MREG: variants seen among roughly 807,000 people sequenced by gnomAD.
MREG encodes the protein melanoregulin.
MREG carries 31 observed loss-of-function variants against 28.5 expected under a neutral mutation model. That is an observed-to-expected ratio of 1.09 (90% CI 0.82 to 1.47). The LOEUF (loss-of-function observed/expected upper bound fraction) is 1.47, where lower values mean the gene tolerates loss of function less well. Ranked by LOEUF, MREG falls within the 40% of genes most tolerant of loss-of-function variation. MREG has a pLI of 0.00. For missense variants in MREG, 256 were observed against 257.4 expected (o/e 0.99, Z 0.04); for synonymous variants, 106 against 95.2 (o/e 1.11, Z -0.66).
intron 2 of MREG, among the ~76,000 whole-genome samples, chr2:215,977,066 C>T (rs894572585): frequency 6.6e-6 from 1 of 152,178 alleles, no homozygotes; most frequent in Non-Finnish European, 1.5e-5. Context: ...GATGCCCCAA[C>T]TAAAAGACAC....
intron 2 of MREG, among the ~76,000 whole-genome samples, chr2:215,973,181 T>C (rs959892123): frequency 6.6e-6 from 1 of 152,136 alleles, no homozygotes; most frequent in African/African-American, 2.4e-5. Flanking sequence ...TGACCTTGCA[T>C]GCAAAGGCAG....
At chr2:215,997,264 C>A (rs1477884321) in intron 1 of MREG, among the ~76,000 whole-genome samples, 1 of 152,146 alleles carries the variant, frequency 6.6e-6, no homozygotes, top group Non-Finnish European at 1.5e-5. Flanking sequence ...TTTCAATAAA[C>A]AAGGCAGAAT....
intron 2 of MREG, among the ~76,000 whole-genome samples, chr2:215,956,185 C>G (rs183094963): frequency 3.0e-4 from 45 of 152,314 alleles, no homozygotes; most frequent in African/African-American, 1.1e-3. Flanking sequence ...TCAGCCTACA[C>G]AGCAGTTCAT....
In MREG at chr2:215,996,429, C is replaced by T. The variant is rs1427310823; in HGVS notation, c.132G>A (p.Leu44=). ...NNPYSSFGAT[L]VRDDEKNLWS... ...ATAAATTCTTCTCATCATCCCTCACCAGAGTTGCTCCAAATGAGGAATATG... is the reference window on the plus strand; with the variant it reads ...ATAAATTCTTCTCATCATCCCTCACTAGAGTTGCTCCAAATGAGGAATATG... The change falls in exon 2 of 5, where the codon CTG becomes CTA. Residue 44 remains leucine (L), a synonymous_variant. Coordinates refer to ENST00000263268, the MANE Select transcript of MREG (RefSeq NM_018000.3). 1 of 1,613,404 alleles carries T rather than the reference C, an allele frequency of 6.2e-7. No homozygotes were observed. The highest frequency in any genetic ancestry group is 1.7e-5 in the Admixed American group (1 of 59,912).
At chr2:215,973,205 T>TCG (rs961648948) in intron 2 of MREG, among the ~76,000 whole-genome samples, 3 of 152,106 alleles carry the variant, frequency 2.0e-5, no homozygotes, top group African/African-American at 7.2e-5. Context: ...ACCTTGCTGG[T>TCG]TACAAATACC....
intron 2 of MREG, among the ~76,000 whole-genome samples, chr2:215,976,186 A>AT (rs1322370058): frequency 2.0e-5 from 3 of 152,156 alleles, no homozygotes; most frequent in Non-Finnish European, 4.4e-5. Flanking sequence ...ACTTGCAACA[A>AT]TCTGCGTGTT....
At chr2:215,986,554 G>A (rs1559187808) in intron 2 of MREG, among the ~76,000 whole-genome samples, 3 of 152,176 alleles carry the variant, frequency 2.0e-5, no homozygotes, top group Admixed American at 6.5e-5. Context: ...AAGTGATATA[G>A]TTTGGCTGTG....
intron 1 of MREG, among the ~76,000 whole-genome samples, chr2:215,998,914 T>A (rs937439290): frequency 2.0e-4 from 31 of 151,876 alleles, no homozygotes; most frequent in South Asian, 6.3e-4. Flanking sequence ...TACATTTTTT[T>A]AAAAAAAGTC....
chr2:216,010,536 T>G (rs1694273847), intron 1 of MREG, among the ~76,000 whole-genome samples: 1 of 151,104 alleles, frequency 6.6e-6, no homozygotes, highest in Non-Finnish European at 1.5e-5. Context: ...TTTTTGTATT[T>G]TTAGTAGAGA....
intron 2 of MREG, among the ~76,000 whole-genome samples, chr2:215,960,206 T>C (rs1447679230): frequency 2.6e-5 from 4 of 152,128 alleles, no homozygotes; most frequent in Admixed American, 6.5e-5. Context: ...CCGCCCGCCT[T>C]GGCCTCCCAA....
chr2:215,998,634 G>C (rs576766011), intron 1 of MREG, among the ~76,000 whole-genome samples: 1 of 152,172 alleles, frequency 6.6e-6, no homozygotes, highest in Non-Finnish European at 1.5e-5. Flanking sequence ...TACCACAAAA[G>C]CTAGAACACA....
At chr2:215,948,855 C>T (rs1692388772) in intron 2 of MREG, among the ~76,000 whole-genome samples, 2 of 152,024 alleles carry the variant, frequency 1.3e-5, no homozygotes, top group African/African-American at 4.8e-5. Flanking sequence ...TAATACAAGT[C>T]CTTAAAATGG....
chr2:215,969,767 C>G (rs903438449), intron 2 of MREG, among the ~76,000 whole-genome samples: 2 of 151,904 alleles, frequency 1.3e-5, no homozygotes, highest in African/African-American at 4.8e-5. Flanking sequence ...CAGAGACCAG[C>G]AGACCCAGGG....
At chr2:215,987,205 C>G (rs1411531584) in intron 2 of MREG, among the ~76,000 whole-genome samples, 1 of 151,692 alleles carries the variant, frequency 6.6e-6, no homozygotes, top group East Asian at 1.9e-4. Flanking sequence ...GCGATCCAAT[C>G]TGTAGGGAAA....
rs201925622 is a variant in MREG, at chr2:216,031,429, A to AAAAGAAAGAAAGAAAGAAAAAG, written c.-68+1359_-68+1360insCTTTTTCTTTCTTTCTTTCTTT. Among the ~76,000 whole-genome samples the AAAAGAAAGAAAGAAAGAAAAAG allele has an allele frequency of 2.3e-3, 173 of 74,640 alleles. 2 individuals carry two copies. The highest frequency in any genetic ancestry group is 0.012 in the Admixed American group (68 of 5,652). 49.0% of individuals were successfully genotyped at this position (74,640 alleles called of 152,430 possible). A position where few individuals can be genotyped will look rare whatever the true frequency, so the allele number is the denominator to read the frequency against. On this transcript the variant is annotated intron_variant, in intron 1 of 3. Transcript: ENST00000420348. ...GAAAGGAAGAAAGGAAGAAAGAAAGAAAAGAAAGAAAGAAAAAGAAAGAAA... is the reference window on the plus strand; with the variant it reads ...GAAAGGAAGAAAGGAAGAAAGAAAGAAAAGAAAGAAAGAAAGAAAAAGAAAGAAAGAAAGAAAAAGAAAGAAA...
rs1297702201 is a variant in MREG, at chr2:215,943,166, C to A, written c.*1697G>T. On this transcript the variant is annotated 3_prime_UTR_variant, in exon 5 of 5. Transcript: ENST00000263268. ...TAACCTGAATTCAGAAGTGCAAAAT[C>A]TGTAAAAATAAAAATATTTCCATTT... is the stretch of plus-strand genomic sequence containing the variant. The A allele has an allele frequency of 3.9e-6, 1 of 254,904 alleles. No homozygotes were observed. Among genetic ancestry groups the A allele is most frequent in the Non-Finnish European group, 8.0e-6 (1 of 125,472 alleles). The allele number at this position is 254,904 out of a possible 1,614,324, so 15.8% of individuals were successfully genotyped here. A position where few individuals can be genotyped will look rare whatever the true frequency, so the allele number is the denominator to read the frequency against.
chr2:216,010,991 G>C (rs1160532133), intron 1 of MREG, among the ~76,000 whole-genome samples: 4 of 151,408 alleles, frequency 2.6e-5, no homozygotes, highest in African/African-American at 9.7e-5. Flanking sequence ...AGCTACTCGG[G>C]AGGCTGAGGC....
At chr2:215,945,163 C>T (rs760145206) in intron 4 of MREG, among the ~76,000 whole-genome samples, 166 bp from the exon 5 acceptor site, 4 of 152,184 alleles carry the variant, frequency 2.6e-5, no homozygotes, top group Non-Finnish European at 4.4e-5. Flanking sequence ...ACGCCTTAAT[C>T]CTTTAGTTAC....
At chr2:216,005,842 TAAAAAAA>T (rs35179294) in intron 1 of MREG, among the ~76,000 whole-genome samples, 2 of 125,930 alleles carry the variant, frequency 1.6e-5, no homozygotes, top group East Asian at 2.2e-4. Context: ...AAGATTTTTG[TAAAAAAA>T]AAAAAAAAAA....
Sources: gnomAD v4.1 joint callset for allele counts (sites outside exome capture counted in the v4.1 genomes callset) on GRCh38, gnomAD v4.1.1 for gene constraint, MANE v1.5 for transcripts, NCBI Gene and HGNC (gene_info 2026-07-23, HGNC 2026-07-21) for gene names.